Variants in TACC2 observed in about 807,000 individuals in gnomAD.
TACC2 encodes the protein transforming acidic coiled-coil containing protein 2, also known as transforming acidic coiled-coil-containing protein 2.
In TACC2, 137 loss-of-function variants were observed where a neutral mutation model predicts 227.3. The ratio of observed to expected loss-of-function variants is 0.60; its 90% CI spans 0.52 to 0.69. TACC2 has a LOEUF of 0.69. TACC2 is among the 30% of genes least tolerant of loss of function. The pLI, the probability that TACC2 is intolerant of heterozygous loss-of-function variation, is 0.00. For synonymous variants in TACC2, 1,523 were observed against 1,487.5 expected (o/e 1.02, Z -0.55); for missense variants, 3,470 against 3,694.4 (o/e 0.94, Z 1.57).
chr10:122,171,807 G>T (rs1431777349), intron 7 of TACC2, among the ~76,000 whole-genome samples: 1 of 152,200 alleles, frequency 6.6e-6, no homozygotes, highest in African/African-American at 2.4e-5. Context: ...GCAATGGATG[G>T]TTAATTTGGG....
At chr10:122,192,546 G>A (rs1593153772) in intron 7 of TACC2, 1 of 385,838 alleles carries the variant, frequency 2.6e-6, no homozygotes, top group South Asian at 1.9e-5. Context: ...GGACGCTGGA[G>A]AAGCTCACAG....
intron 3 of TACC2, among the ~76,000 whole-genome samples, chr10:122,075,188 CAAA>C (rs74264562): frequency 0.41 from 57,751 of 142,224 alleles, 13,187 homozygotes; most frequent in Non-Finnish European, 0.52. Context: ...ATCTTGCTGC[CAAA>C]AAAAAAAAAA....
intron 8 of TACC2, among the ~76,000 whole-genome samples, chr10:122,208,164 C>T (rs984970861): frequency 6.6e-6 from 1 of 152,124 alleles, no homozygotes; most frequent in Admixed American, 6.5e-5. Context: ...GTATTTAGGG[C>T]GTCTGCTCCA....
chr10:121,990,137 G>T (rs1434921110), intron 1 of TACC2, among the ~76,000 whole-genome samples: 1 of 150,572 alleles, frequency 6.6e-6, no homozygotes, highest in East Asian at 1.9e-4. Context: ...TTTAGACAGG[G>T]TCTTGCTCTA....
At chr10:122,237,177 G>T (rs902830291) in intron 16 of TACC2, among the ~76,000 whole-genome samples, 1 of 152,162 alleles carries the variant, frequency 6.6e-6, no homozygotes, top group African/African-American at 2.4e-5. Flanking sequence ...TCTGCCATTA[G>T]CCCCTTTGTC....
intron 3 of TACC2, among the ~76,000 whole-genome samples, chr10:122,069,335 A>C (rs1172393727): frequency 6.6e-6 from 1 of 151,792 alleles, no homozygotes; most frequent in Non-Finnish European, 1.5e-5. Flanking sequence ...TTCACCTCCC[A>C]GATTCACACC....
rs1244916642 is a variant in TACC2 at position 122,082,925 on chromosome 10, C to T, written c.425C>T (p.Pro142Leu). The change falls in exon 4 of 23, where the codon CCT becomes CTT. Residue 142 changes from proline (P) to leucine (L), a missense_variant. Transcript: ENST00000369005. ...GPQTQSPRRE[P>L]APNAPGDIAA... ...CAGACTCAGTCTCCCAGGAGGGAAC[C>T]TGCCCCAAATGCCCCAGGAGACATC... 1.2e-6 allele frequency: 2 copies of T among 1,613,140 alleles called. No individual in the cohort carries two copies. Among genetic ancestry groups the T allele is most frequent in the East Asian group, 2.2e-5 (1 of 44,858 alleles).
At position 122,254,197 on chromosome 10, in the gene TACC2, T is replaced by G. The variant is rs753425741; in HGVS notation, c.*141T>G. 7.9e-6 allele frequency: 6 copies of G among 761,048 alleles called. No homozygotes were observed. The highest frequency in any genetic ancestry group is 1.2e-5 in the Non-Finnish European group (5 of 422,328). 47.1% of individuals were successfully genotyped at this position (761,048 alleles called of 1,614,324 possible). A position where few individuals can be genotyped will look rare whatever the true frequency, so the allele number is the denominator to read the frequency against. On this transcript the variant is annotated 3_prime_UTR_variant, in exon 23 of 23. Coordinates refer to ENST00000369005, the MANE Select transcript of TACC2 (RefSeq NM_206862.4). Reference sequence around the variant, plus strand: ...ATTTCCTTTCTAAATAAAATTGATTTGATTGTATGCAGTACTAAGGAGACT... The same window carrying G: ...ATTTCCTTTCTAAATAAAATTGATTGGATTGTATGCAGTACTAAGGAGACT...
At chr10:122,126,316 C>CTGTGTATGTGTGTGTGTGTG (rs2086848970) in intron 5 of TACC2, among the ~76,000 whole-genome samples, 1 of 142,018 alleles carries the variant, frequency 7.0e-6, no homozygotes. Context: ...TAATCCAGAA[C>CTGTGTATGTGTGTGTGTGTG]TGTGTGTGTG....
chr10:122,108,868 C>T (rs890971041), intron 5 of TACC2, among the ~76,000 whole-genome samples: 4 of 151,684 alleles, frequency 2.6e-5, no homozygotes, highest in African/African-American at 4.8e-5. Flanking sequence ...CGAGTAGCTG[C>T]GATTATAGGC....
chr10:122,218,987 A>G (rs1459585321), intron 11 of TACC2, among the ~76,000 whole-genome samples: 10 of 139,282 alleles, frequency 7.2e-5, no homozygotes, highest in Non-Finnish European at 1.5e-5. Flanking sequence ...GTGCCACTGC[A>G]CTCCAGCCTG....
intron 11 of TACC2, among the ~76,000 whole-genome samples, chr10:122,219,018 CAAAAA>C (rs61446434): frequency 1.3e-5 from 1 of 74,684 alleles, no homozygotes; most frequent in Non-Finnish European, 2.6e-5. Flanking sequence ...AGACTCGTCT[CAAAAA>C]AAAAAAAAAA....
intron 5 of TACC2, among the ~76,000 whole-genome samples, chr10:122,118,584 G>T (rs1328156969): frequency 6.6e-6 from 1 of 152,180 alleles, no homozygotes; most frequent in South Asian, 2.1e-4. Context: ...TTTGCTTTTT[G>T]TTCAGGGTCT....
At position 122,211,105 on chromosome 10, in the gene TACC2, C is replaced by G; in HGVS notation, c.6680C>G (p.Pro2227Arg). The stretch of plus-strand genomic sequence containing the variant: ...GGAGGTGGCAGAGTGCAGAACTCAC[C>G]CCCTGTCGGGAGGAAAACGCTGCCT... ...ASGGGRVQNS[P>R]PVGRKTLPLT... Residue 2227 changes from proline to arginine, a missense_variant, in exon 9 of 23, where the codon CCC (proline) becomes CGC (arginine). Pro to Arg is a moderately radical substitution (Grantham distance 103). This residue lies in a region of TACC2 where 593 missense variants were observed against 636.6 expected (regional missense o/e 0.93). Coordinates refer to ENST00000369005, the MANE Select transcript of TACC2 (RefSeq NM_206862.4). 1.2e-6 allele frequency: 2 copies of G among 1,611,950 alleles called. No individual in the cohort carries two copies. Among genetic ancestry groups the G allele is most frequent in the Non-Finnish European group, 1.7e-6 (2 of 1,179,080 alleles).
At chr10:122,221,736 GAAGGGTTTTTATCTTA>G in intron 11 of TACC2, among the ~76,000 whole-genome samples, 1 of 152,174 alleles carries the variant, frequency 6.6e-6, no homozygotes, top group South Asian at 2.1e-4. Flanking sequence ...GTTACCCATC[GAAGGGTTTTTATCTTA>G]AAGTATTTCA....
rs1240305957 is a variant in TACC2, at chr10:122,210,528, A to G, written c.6103A>G (p.Thr2035Ala). ...AGACAAGCCGATAGCCAGCAGTGGG[A>G]CTTACAACTTGGACTTTGACAACAT... Reference protein sequence around the residue: ...DEDKPIASSGTYNLDFDNIEL... With the variant: ...DEDKPIASSGAYNLDFDNIEL... Residue 2035 changes from threonine to alanine, a missense_variant, in exon 9 of 23, where the codon ACT (threonine) becomes GCT (alanine). Thr to Ala is a moderately conservative substitution (Grantham distance 58, BLOSUM62 0). Around this residue, in one of 10 missense-constraint regions of TACC2, gnomAD observed 593 missense variants for 636.6 expected, o/e 0.93. Transcript: ENST00000369005. This position sits in a 1 kb window ranked among gnomAD's most constrained non-coding sequence, Gnocchi z 4.6. 9 of 1,614,076 alleles carry G rather than the reference A, an allele frequency of 5.6e-6. No individual in the cohort carries two copies. The highest frequency in any genetic ancestry group is 7.6e-6 in the Non-Finnish European group (9 of 1,180,004).
At chr10:122,092,915 G>A (rs1323862830) in intron 5 of TACC2, among the ~76,000 whole-genome samples, 1 of 152,196 alleles carries the variant, frequency 6.6e-6, no homozygotes, top group African/African-American at 2.4e-5. Context: ...GAAGGTGCTT[G>A]AATCAATTTC....
At chr10:122,033,660 C>T (rs747729407) in intron 2 of TACC2, among the ~76,000 whole-genome samples, 1 of 152,320 alleles carries the variant, frequency 6.6e-6, no homozygotes, top group Non-Finnish European at 1.5e-5. Flanking sequence ...AAGTGTTTGC[C>T]ATCCACTGGG....
At chr10:122,132,203 G>A (rs1486250893) in intron 5 of TACC2, among the ~76,000 whole-genome samples, 2 of 152,178 alleles carry the variant, frequency 1.3e-5, no homozygotes, top group African/African-American at 4.8e-5. Flanking sequence ...AAGGGAAACT[G>A]AGGCCCTGCT....
Sources: gnomAD v4.1 joint callset for allele counts (sites outside exome capture counted in the v4.1 genomes callset) on GRCh38, gnomAD v4.1.1 for gene constraint, gnomAD v4.1.1 regional missense constraint, Gnocchi (gnomAD v3.1) non-coding constraint, MANE v1.5 for transcripts, NCBI Gene and HGNC (gene_info 2026-07-23, HGNC 2026-07-21) for gene names.